The following CDC26 variants were observed in gnomAD, a reference collection of about 807,000 sequenced individuals.
CDC26 encodes the protein cell division cycle 26.
Under a neutral mutation model 8.0 loss-of-function variants are expected in CDC26, and 2 were observed. The observed-to-expected ratio is 0.25, with a 90% CI of 0.10 to 0.79. The LOEUF is 0.79. CDC26 is among the 30% of genes least tolerant of loss of function. CDC26 has a pLI of 0.70. For synonymous variants in CDC26, 19 were observed against 34.9 expected (o/e 0.55, Z 1.60); for missense variants, 68 against 106.0 (o/e 0.64, Z 1.57).
intron 3 of CDC26, among the ~76,000 whole-genome samples, chr9:113,268,711 T>C (rs1296866800): frequency 6.6e-6 from 1 of 151,778 alleles, no homozygotes; most frequent in African/African-American, 2.4e-5. Flanking sequence ...AGCCCAGGAG[T>C]GTGACACTAG....
chr9:113,272,002 C>T (rs1167904840), intron 3 of CDC26, among the ~76,000 whole-genome samples: 1 of 152,168 alleles, frequency 6.6e-6, no homozygotes, highest in African/African-American at 2.4e-5. Flanking sequence ...AACATAGAGA[C>T]AAGGTCTCAC....
chr9:113,268,505 A>G (rs540221922), intron 3 of CDC26, among the ~76,000 whole-genome samples: 6 of 152,342 alleles, frequency 3.9e-5, no homozygotes, highest in Non-Finnish European at 7.3e-5. Context: ...AACTTTCTCT[A>G]AGAGAGTGAA....
chr9:113,273,383 C>T lies in CDC26; in HGVS notation c.-96G>A, dbSNP rs1462594378. The T allele has an allele frequency of 1.3e-5, 2 of 152,214 alleles. No homozygotes were observed. The highest frequency in any genetic ancestry group is 2.9e-5 in the Non-Finnish European group (2 of 68,032). The allele number at this position is 152,214 out of a possible 1,614,324, so 9.4% of individuals were successfully genotyped here. A position where few individuals can be genotyped will look rare whatever the true frequency, so the allele number is the denominator to read the frequency against. On this transcript the variant is annotated 5_prime_UTR_variant, in exon 2 of 4. The change abolishes an upstream ATG in the 5' untranslated region. Transcript: ENST00000374206. ...ACAGATCTTAAATGTGTACGTCATT[C>T]ATTAAACAAACACTTCTTGTGTTCC... is the stretch of plus-strand genomic sequence containing the variant.
At chr9:113,272,308 C>A in intron 3 of CDC26, 119 bp downstream of exon 3, 4 of 739,730 alleles carry the variant, frequency 5.4e-6, no homozygotes, top group South Asian at 3.1e-5. Context: ...GGTCCCAGCA[C>A]GCGGGAGGCT....
chr9:113,270,127 T>G (rs1831930664), intron 3 of CDC26, among the ~76,000 whole-genome samples: 1 of 152,074 alleles, frequency 6.6e-6, no homozygotes, highest in African/African-American at 2.4e-5. Context: ...CTAACCCAGC[T>G]GGGGGCTGGA....
intron 1 of CDC26, among the ~76,000 whole-genome samples, chr9:113,273,930 A>G (rs1832005817): frequency 6.6e-6 from 1 of 152,094 alleles, no homozygotes; most frequent in African/African-American, 2.4e-5. Context: ...TGTTTTTGAG[A>G]AAACACAACC....
At chr9:113,268,587 C>T (rs9987440) in intron 3 of CDC26, among the ~76,000 whole-genome samples, 1 of 152,238 alleles carries the variant, frequency 6.6e-6, no homozygotes, top group Non-Finnish European at 1.5e-5. Context: ...TACCACCATT[C>T]TTCACCACTT....
chr9:113,273,243 T>G (rs1325442115), intron 2 of CDC26, 86 bp downstream of exon 2: 1 of 152,204 alleles, frequency 6.6e-6, no homozygotes, highest in African/African-American at 2.4e-5. Context: ...GAATTTAATC[T>G]ACCCTACATG....
At chr9:113,272,677 T>C (rs965447079) in intron 2 of CDC26, 129 bp from the exon 3 acceptor site, 3 of 522,370 alleles carry the variant, frequency 5.7e-6, no homozygotes, top group South Asian at 2.2e-5. Flanking sequence ...AATTTACACA[T>C]AGACTTCTAA....
At chr9:113,271,383 G>A (rs1831953759) in intron 3 of CDC26, among the ~76,000 whole-genome samples, 1 of 152,152 alleles carries the variant, frequency 6.6e-6, no homozygotes, top group African/African-American at 2.4e-5. Flanking sequence ...ATCTTGAGAA[G>A]GGGGGATTAT....
In CDC26 at chr9:113,267,102, C is replaced by T. The variant is rs554804346; in HGVS notation, c.*161G>A. 1.2e-4 allele frequency: 58 copies of T among 497,944 alleles called. No homozygotes were observed. In the South Asian group the frequency reaches 1.7e-3, roughly 14 times the overall value. The allele number at this position is 497,944 out of a possible 1,614,324, so 30.8% of individuals were successfully genotyped here. A position where few individuals can be genotyped will look rare whatever the true frequency, so the allele number is the denominator to read the frequency against. The stretch of plus-strand genomic sequence containing the variant: ...AGACAAACCAGAGTTTGGATTCCAG[C>T]TTAGAGTGCAAGTGAAGCATCAGTA... On this transcript the variant is annotated 3_prime_UTR_variant, in exon 4 of 4. Transcript: ENST00000374206.
chr9:113,275,163 G>A (rs910693081), intron 1 of CDC26, among the ~76,000 whole-genome samples: 4 of 152,060 alleles, frequency 2.6e-5, no homozygotes, highest in South Asian at 2.1e-4. Context: ...AGCTCAGAGG[G>A]GGAGCCTGGG....
At chr9:113,274,655 T>G (rs1832027041) in intron 1 of CDC26, among the ~76,000 whole-genome samples, 1 of 152,156 alleles carries the variant, frequency 6.6e-6, no homozygotes, top group East Asian at 1.9e-4. Context: ...CAGGTTTTAA[T>G]CCCACTACAC....
intron 1 of CDC26, 44 bp downstream of exon 1, chr9:113,275,338 C>T (rs1035271899): frequency 5.7e-5 from 10 of 175,590 alleles, no homozygotes; most frequent in Non-Finnish European, 1.1e-4. Flanking sequence ...GCCCTTGACT[C>T]GCTCCAGAGT....
At position 113,267,546 on chromosome 9, in the gene CDC26, G is replaced by A. The variant is rs986348106; in HGVS notation, c.82-107C>T. On this transcript the variant is annotated intron_variant, in intron 3 of 3. Transcript: ENST00000374206. ...GCATGGGCTAAATGATAGAGTTAGG[G>A]TGTAAAGAACAATAAACTGAAATCC... 4 of 1,367,990 alleles carry A rather than the reference G, an allele frequency of 2.9e-6. No homozygotes were observed. In the Admixed American group the frequency reaches 9.3e-5, roughly 32 times the overall value. The allele number at this position is 1,367,990 out of a possible 1,614,324, so 84.7% of individuals were successfully genotyped here.
At chr9:113,275,183 G>C (rs1832041462) in intron 1 of CDC26, among the ~76,000 whole-genome samples, 199 bp downstream of exon 1, 1 of 152,102 alleles carries the variant, frequency 6.6e-6, no homozygotes, top group African/African-American at 2.4e-5. Context: ...GAAGACTTCC[G>C]GACCATGGAG....
At chr9:113,273,729 A>G (rs1168760790) in intron 1 of CDC26, among the ~76,000 whole-genome samples, 1 of 149,832 alleles carries the variant, frequency 6.7e-6, no homozygotes, top group Non-Finnish European at 1.5e-5. Context: ...CTGTAGTCCT[A>G]GCTACTCAGG....
At position 113,272,549 on chromosome 9, in the gene CDC26, C is replaced by G. The variant is rs1831975394; in HGVS notation, c.-41-1G>C. ...AGGGCCAAACCCAGTGAACTATTAG[C>G]TGTTAAAAATGAAAGAGAGGAGGAA... On this transcript the variant is annotated splice_acceptor_variant, in intron 2 of 3. Coordinates refer to ENST00000374206, the MANE Select transcript of CDC26 (RefSeq NM_139286.4). LOFTEE classifies it low-confidence loss of function (5UTR_SPLICE). 3 of 1,454,894 alleles carry G rather than the reference C, an allele frequency of 2.1e-6. No individual in the cohort carries two copies. The African/African-American group carries it at 4.2e-5, about 20-fold the overall frequency. 90.1% of individuals were successfully genotyped at this position (1,454,894 alleles called of 1,614,324 possible). A position where few individuals can be genotyped will look rare whatever the true frequency, so the allele number is the denominator to read the frequency against.
At chr9:113,268,169 G>C (rs1452410623) in intron 3 of CDC26, among the ~76,000 whole-genome samples, 1 of 152,142 alleles carries the variant, frequency 6.6e-6, no homozygotes, top group Admixed American at 6.5e-5. Context: ...CAATTGGAAA[G>C]CTGTAAGAGC....
Sources: gnomAD v4.1 joint callset for allele counts (sites outside exome capture counted in the v4.1 genomes callset) on GRCh38, gnomAD v4.1.1 for gene constraint, MANE v1.5 for transcripts, NCBI Gene and HGNC (gene_info 2026-07-23, HGNC 2026-07-21) for gene names.